Variants in PCDHGA6 observed in about 807,000 individuals in gnomAD.
PCDHGA6 encodes protocadherin gamma subfamily A, 6.
A neutral mutation model predicts 60.6 loss-of-function variants in PCDHGA6; 41 were observed. That is an observed-to-expected ratio of 0.68 (90% confidence interval 0.53 to 0.88). The LOEUF (loss-of-function observed/expected upper bound fraction) is 0.88, where lower values mean the gene tolerates loss of function less well. PCDHGA6 is among the 40% of genes least tolerant of loss of function. The pLI is 0.00. For missense variants in PCDHGA6, 1,312 were observed against 1,203.0 expected, an observed-to-expected ratio of 1.09 and a Z score of -1.34; for synonymous variants, 594 against 524.4, an observed-to-expected ratio of 1.13 and a Z score of -1.81.
chr5:141,495,810 C>T (rs1003475681), intron 2 of PCDHGA6, among the ~76,000 whole-genome samples: 1 of 152,088 alleles, frequency 6.6e-6, no homozygotes, highest in Non-Finnish European at 1.5e-5. Context: ...CGTTTCCTAG[C>T]GCCTTGTGTT....
At chr5:141,430,633 C>T in intron 1 of PCDHGA6, 1 of 868,018 alleles carries the variant, frequency 1.2e-6, no homozygotes, top group Non-Finnish European at 1.7e-6. Context: ...ATGAACCATC[C>T]CTGGGAGTAT....
At chr5:141,376,909 G>T (rs1253318299) in intron 1 of PCDHGA6, 1 of 186,916 alleles carries the variant, frequency 5.3e-6, no homozygotes, top group Non-Finnish European at 1.1e-5. Context: ...GGATGGTCTC[G>T]ATCTCCTGAC....
chr5:141,455,492 T>G (rs958076901), intron 1 of PCDHGA6, among the ~76,000 whole-genome samples: 10 of 152,188 alleles, frequency 6.6e-5, no homozygotes, highest in Non-Finnish European at 1.2e-4. Context: ...GGAGGTGATG[T>G]CTGATTTGCA....
intron 1 of PCDHGA6, chr5:141,410,800 T>A: frequency 1.5e-6 from 1 of 678,550 alleles, no homozygotes; most frequent in Non-Finnish European, 2.2e-6. Context: ...TAAGTTGCTC[T>A]ATCTTTTTGT....
chr5:141,396,922 C>T lies in PCDHGA6; in HGVS notation c.2424+20415C>T, dbSNP rs576253766. Among the ~76,000 whole-genome samples, 68 of 152,290 alleles carry T rather than the reference C, an allele frequency of 4.5e-4. 1 individual carries two copies. The highest frequency in any genetic ancestry group is 1.5e-3 in the African/African-American group (61 of 41,560). ...TTGGCACTTTGCAATTTTAAAAACT[C>T]GGATGAAAGTTGCCCTGGTAGGAAA... On this transcript the variant is annotated intron_variant, in intron 1 of 3. Transcript: ENST00000517434.
chr5:141,393,486 A>G, intron 1 of PCDHGA6: 1 of 1,614,082 alleles, frequency 6.2e-7, no homozygotes. Flanking sequence ...TCGCTCTAGC[A>G]CAGTGCGCAT....
At position 141,485,848 on chromosome 5, in the gene PCDHGA6, C is replaced by G. The variant is rs1416763615; in HGVS notation, c.2425-8959C>G. 1.9e-6 allele frequency: 3 copies of G among 1,614,076 alleles called. No individual in the cohort carries two copies. The highest frequency in any genetic ancestry group is 1.1e-5 in the South Asian group (1 of 91,084). On this transcript the variant is annotated intron_variant, in intron 1 of 3. Coordinates refer to ENST00000517434, the MANE Select transcript of PCDHGA6 (RefSeq NM_018919.3). This position sits in a 1 kb window ranked among gnomAD's most constrained non-coding sequence, Gnocchi z 5.7. The stretch of plus-strand genomic sequence containing the variant: ...GAGGGAACCCGCCGAGATCTGGCAC[C>G]GCAGAGCTCCGGGTATCCGTGCTGG...
chr5:141,427,683 G>T, intron 1 of PCDHGA6: 1 of 836,052 alleles, frequency 1.2e-6, no homozygotes, highest in African/African-American at 1.7e-5. Context: ...CCTTCCCGGA[G>T]CCTCCATCCC....
intron 1 of PCDHGA6, chr5:141,382,914 G>T: frequency 6.4e-7 from 1 of 1,552,980 alleles, no homozygotes; most frequent in South Asian, 1.2e-5. Context: ...CGGCTCAGCC[G>T]AGGGGCGGGG....
intron 1 of PCDHGA6, chr5:141,418,503 T>G (rs2096264259): frequency 6.2e-7 from 1 of 1,613,828 alleles, no homozygotes. Flanking sequence ...CTGACCGCCT[T>G]AGATGGTGGG....
chr5:141,472,486 G>A (rs1300618918), intron 1 of PCDHGA6, among the ~76,000 whole-genome samples: 1 of 152,050 alleles, frequency 6.6e-6, no homozygotes, highest in Non-Finnish European at 1.5e-5. Flanking sequence ...CTTGCAGTGA[G>A]ACGAGATCGT....
At chr5:141,506,119 G>T (rs1171566108) in intron 3 of PCDHGA6, among the ~76,000 whole-genome samples, 1 of 152,106 alleles carries the variant, frequency 6.6e-6, no homozygotes, top group African/African-American at 2.4e-5. Context: ...AGTCACTAGG[G>T]CCCAGAGCAG....
At chr5:141,384,368 C>T (rs748304499) in intron 1 of PCDHGA6, 7 of 1,613,908 alleles carry the variant, frequency 4.3e-6, no homozygotes, top group East Asian at 2.2e-5. Flanking sequence ...ATCACTTATT[C>T]CTTGGCCGAA....
At chr5:141,463,438 C>CTTTTTT (rs71576115) in intron 1 of PCDHGA6, among the ~76,000 whole-genome samples, 4 of 103,256 alleles carry the variant, frequency 3.9e-5, no homozygotes, top group African/African-American at 1.3e-4. Context: ...TTTCCTTCTC[C>CTTTTTT]TTTTTTTTTT....
At chr5:141,427,970 C>G in intron 1 of PCDHGA6, 1 of 1,592,510 alleles carries the variant, frequency 6.3e-7, no homozygotes. Context: ...GGGTGCTGTA[C>G]CCCGCGCTGG....
At chr5:141,475,684 T>C (rs2099367059) in intron 1 of PCDHGA6, among the ~76,000 whole-genome samples, 1 of 152,228 alleles carries the variant, frequency 6.6e-6, no homozygotes, top group African/African-American at 2.4e-5. Context: ...TTGATTTGGA[T>C]TGGAGACTTG....
intron 1 of PCDHGA6, chr5:141,384,519 G>A (rs769300299): frequency 1.9e-6 from 3 of 1,614,220 alleles, no homozygotes; most frequent in Non-Finnish European, 2.5e-6. Flanking sequence ...GCGGGGACCC[G>A]CCTCTCAGCA....
At position 141,423,462 on chromosome 5, in the gene PCDHGA6, C is replaced by A. The variant is rs371118964; in HGVS notation, c.2424+46955C>A. ...CCACGTCACATTTTGTAGGCGTGGA[C>A]GGGGTACAGGCTTTCCTGCAAACCT... On this transcript the variant is annotated intron_variant, in intron 1 of 3. Transcript: ENST00000517434. 8.1e-6 allele frequency: 13 copies of A among 1,613,808 alleles called. No homozygotes were observed. The African/African-American group carries it at 1.7e-4, about 22-fold the overall frequency.
At chr5:141,428,313 C>T in intron 1 of PCDHGA6, 1 of 671,482 alleles carries the variant, frequency 1.5e-6, no homozygotes, top group Non-Finnish European at 2.6e-6. Context: ...TGGTCGTGGC[C>T]TTGGCCTTGA....
Sources: allele counts gnomAD v4.1 joint callset (sites outside exome capture counted in the v4.1 genomes callset), GRCh38; gene constraint gnomAD v4.1.1; non-coding constraint Gnocchi (gnomAD v3.1); transcripts MANE v1.5; gene names NCBI Gene and HGNC (gene_info 2026-07-23, HGNC 2026-07-21).